WWOX: variants seen among roughly 807,000 people sequenced by gnomAD.
WWOX encodes the protein WW domain-containing oxidoreductase.
Under a neutral mutation model 46.2 loss-of-function variants are expected in WWOX, and 69 were observed. The observed-to-expected ratio is 1.49, with a 90% CI of 1.23 to 1.82. WWOX has a LOEUF of 1.82. Ranked by LOEUF, WWOX falls within the 40% of genes most tolerant of loss-of-function variation. WWOX has a pLI of 0.00. For synonymous variants in WWOX, 359 were observed against 202.6 expected (o/e 1.77, Z -6.56); for missense variants, 919 against 542.6 (o/e 1.69, Z -6.89).
intron 8 of WWOX, among the ~76,000 whole-genome samples, chr16:78,860,367 C>T (rs1436321614): frequency 6.6e-6 from 1 of 152,294 alleles, no homozygotes; most frequent in African/African-American, 2.4e-5. Context: ...AACGTCTGTT[C>T]TGAGCACCTC....
At chr16:79,108,277 G>T (rs1379608072) in intron 8 of WWOX, among the ~76,000 whole-genome samples, 2 of 152,174 alleles carry the variant, frequency 1.3e-5, no homozygotes, top group Non-Finnish European at 2.9e-5. Flanking sequence ...GCATCAGCGG[G>T]GTCCTGCAGT....
At chr16:78,693,148 A>G (rs915332941) in intron 8 of WWOX, among the ~76,000 whole-genome samples, 1 of 152,210 alleles carries the variant, frequency 6.6e-6, no homozygotes. Context: ...CAGACAATGT[A>G]TATTTAAAAA....
intron 8 of WWOX, chr16:79,016,935 G>A (rs936045815): frequency 6.6e-6 from 1 of 152,214 alleles, no homozygotes; most frequent in African/African-American, 2.4e-5. Flanking sequence ...CCTGACCTCA[G>A]GTGATCCGAC....
intron 8 of WWOX, among the ~76,000 whole-genome samples, chr16:78,532,056 G>A (rs1334048784): frequency 3.3e-5 from 5 of 150,996 alleles, no homozygotes; most frequent in Non-Finnish European, 5.9e-5. Flanking sequence ...ATTTGGGGGA[G>A]TAGGGAGTTT....
At chr16:78,315,475 C>T (rs1193304225) in intron 5 of WWOX, among the ~76,000 whole-genome samples, 1 of 151,978 alleles carries the variant, frequency 6.6e-6, no homozygotes, top group Non-Finnish European at 1.5e-5. Context: ...ATGGTGAGAC[C>T]CCCATCTCTG....
chr16:78,106,641 C>G (rs1406511007), intron 1 of WWOX, among the ~76,000 whole-genome samples: 1 of 152,078 alleles, frequency 6.6e-6, no homozygotes, highest in South Asian at 2.1e-4. Flanking sequence ...GTCGCGAACT[C>G]CTGACCTCAG....
intron 8 of WWOX, among the ~76,000 whole-genome samples, chr16:79,060,880 A>G (rs965104548): frequency 2.6e-5 from 4 of 152,248 alleles, no homozygotes; most frequent in Non-Finnish European, 5.9e-5. Flanking sequence ...AGCTTATTGT[A>G]TGCCATGGGC....
At chr16:78,781,902 G>A (rs2050335819) in intron 8 of WWOX, among the ~76,000 whole-genome samples, 1 of 152,264 alleles carries the variant, frequency 6.6e-6, no homozygotes, top group Non-Finnish European at 1.5e-5. Flanking sequence ...ATGTTCACAG[G>A]TCTTTACATG....
chr16:79,081,775 C>T (rs191719403), intron 8 of WWOX, among the ~76,000 whole-genome samples: 25 of 152,134 alleles, frequency 1.6e-4, no homozygotes, highest in African/African-American at 5.8e-4. Flanking sequence ...ACGCTGGATG[C>T]TCCTGCCTGG....
At chr16:78,387,443 T>C (rs960119631) in intron 6 of WWOX, among the ~76,000 whole-genome samples, 2 of 133,840 alleles carry the variant, frequency 1.5e-5, no homozygotes, top group African/African-American at 2.6e-5. Flanking sequence ...ACATTCCTTT[T>C]ATTTATTTTT....
At chr16:78,146,453 C>T (rs1410918343) in intron 4 of WWOX, among the ~76,000 whole-genome samples, 1 of 152,148 alleles carries the variant, frequency 6.6e-6, no homozygotes, top group Non-Finnish European at 1.5e-5. Context: ...TGTCGAGTCT[C>T]CAGAAGTCAT....
At chr16:78,394,820 G>T (rs910987407) in intron 6 of WWOX, among the ~76,000 whole-genome samples, 1 of 152,196 alleles carries the variant, frequency 6.6e-6, no homozygotes, top group Admixed American at 6.5e-5. Context: ...TGCTACCCCT[G>T]GGCAACAACC....
intron 5 of WWOX, among the ~76,000 whole-genome samples, chr16:78,357,105 C>A (rs1353158771): frequency 2.0e-5 from 3 of 152,162 alleles, no homozygotes; most frequent in African/African-American, 7.2e-5. Context: ...CAGGCATAGA[C>A]CTTCCTTTCT....
At chr16:79,178,185 G>A (rs997381132) in intron 8 of WWOX, among the ~76,000 whole-genome samples, 1 of 152,158 alleles carries the variant, frequency 6.6e-6, no homozygotes, top group Non-Finnish European at 1.5e-5. Flanking sequence ...CACTATCATA[G>A]TGCAAAACAA....
At chr16:78,722,819 T>C (rs976902095) in intron 8 of WWOX, among the ~76,000 whole-genome samples, 10 of 151,564 alleles carry the variant, frequency 6.6e-5, no homozygotes, top group African/African-American at 2.4e-4. Context: ...GGCAGGAGGA[T>C]TGCTTGAGCC....
At chr16:78,256,094 G>A (rs2038122491) in intron 5 of WWOX, among the ~76,000 whole-genome samples, 2 of 143,280 alleles carry the variant, frequency 1.4e-5, no homozygotes, top group African/African-American at 5.2e-5. Context: ...AGGTTGCAGT[G>A]AGCCTAGACT....
chr16:78,823,929 C>G (rs1398244382), intron 8 of WWOX, among the ~76,000 whole-genome samples: 1 of 152,082 alleles, frequency 6.6e-6, no homozygotes, highest in Non-Finnish European at 1.5e-5. Flanking sequence ...GCGAGAGCCA[C>G]CATACTGGGC....
At chr16:78,604,243 A>T (rs2151621102) in intron 8 of WWOX, among the ~76,000 whole-genome samples, 1 of 152,316 alleles carries the variant, frequency 6.6e-6, no homozygotes, top group African/African-American at 2.4e-5. Flanking sequence ...CTCCAAATGT[A>T]ACTCCTGGGG....
At chr16:78,388,086 G>C (rs1283718371) in intron 6 of WWOX, among the ~76,000 whole-genome samples, 1 of 152,162 alleles carries the variant, frequency 6.6e-6, no homozygotes, top group Non-Finnish European at 1.5e-5. Context: ...AGGTTGGAAC[G>C]TAGTGCACAA....
Sources: gnomAD v4.1 joint callset for allele counts (sites outside exome capture counted in the v4.1 genomes callset) on GRCh38, gnomAD v4.1.1 for gene constraint, MANE v1.5 for transcripts, NCBI Gene and HGNC (gene_info 2026-07-23, HGNC 2026-07-21) for gene names.